The following IPO7 variants were observed in gnomAD, a reference collection of about 807,000 sequenced individuals.
IPO7 encodes importin-7.
A neutral mutation model predicts 136.4 loss-of-function variants in IPO7; 13 were observed. That is an observed-to-expected ratio of 0.10 (90% CI 0.06 to 0.15). The LOEUF (loss-of-function observed/expected upper bound fraction) is 0.15, where lower values mean the gene tolerates loss of function less well. Ranked by LOEUF, IPO7 falls within the 10% of genes least tolerant of loss-of-function variation. The pLI is 1.00. For synonymous variants in IPO7, 403 were observed against 404.4 expected (o/e 1.00, Z 0.04); for missense variants, 857 against 1,240.6 (o/e 0.69, Z 4.65).
intron 6 of IPO7, among the ~76,000 whole-genome samples, chr11:9,419,930 T>C (rs1855103396): frequency 6.6e-6 from 1 of 152,188 alleles, no homozygotes; most frequent in Admixed American, 6.5e-5. Context: ...AGAATTATTT[T>C]AAAAAGCATG....
At chr11:9,432,989 GTTTTTTT>G (rs397953468) in intron 16 of IPO7, 6 of 123,226 alleles carry the variant, frequency 4.9e-5, no homozygotes, top group African/African-American at 1.7e-4. Flanking sequence ...CTTCCAAATG[GTTTTTTT>G]TTTTTTTTTG....
chr11:9,425,939 A>C (rs1590444987), intron 12 of IPO7, among the ~76,000 whole-genome samples: 1 of 151,700 alleles, frequency 6.6e-6, no homozygotes, highest in Non-Finnish European at 1.5e-5. Context: ...CCAGCTACTT[A>C]GGAGGCTGAG....
At chr11:9,387,569 C>T (rs1445107893) in intron 1 of IPO7, among the ~76,000 whole-genome samples, 2 of 152,206 alleles carry the variant, frequency 1.3e-5, no homozygotes, top group African/African-American at 2.4e-5. Context: ...CGGTGGCTCA[C>T]GCCTGTAATC....
At chr11:9,422,814 C>T (rs572921288) in intron 8 of IPO7, among the ~76,000 whole-genome samples, 192 bp from the exon 9 acceptor site, 3 of 152,176 alleles carry the variant, frequency 2.0e-5, no homozygotes, top group East Asian at 3.9e-4. Flanking sequence ...CCCAGAAAAA[C>T]GAAGATAGTA....
intron 2 of IPO7, among the ~76,000 whole-genome samples, chr11:9,407,616 T>A (rs1408377401): frequency 6.6e-6 from 1 of 152,216 alleles, no homozygotes; most frequent in African/African-American, 2.4e-5. Context: ...ATTACTATAA[T>A]ATGGAATATT....
Position 9,438,245 on chromosome 11 carries a change from C to T in IPO7, c.2655C>T (p.Asp885=), listed in dbSNP as rs749164118. 3 of 1,601,884 alleles carry T rather than the reference C, an allele frequency of 1.9e-6. No individual in the cohort carries two copies. Among genetic ancestry groups the T allele is most frequent in the Non-Finnish European group, 1.7e-6 (2 of 1,170,082 alleles). Residue 885 remains aspartate, a synonymous_variant, in exon 22 of 25, where the codon GAC becomes GAT. Coordinates refer to ENST00000379719, the MANE Select transcript of IPO7 (RefSeq NM_006391.3). ...AYACHAEHEN[D]SDDDDEAEDD... ...CCTGCCATGCAGAACATGAGAATGA[C>T]AGTGATGATGATGATGAAGCTGAAG...
intron 1 of IPO7, among the ~76,000 whole-genome samples, chr11:9,396,841 T>C (rs1415722513): frequency 6.6e-6 from 1 of 152,190 alleles, no homozygotes; most frequent in Non-Finnish European, 1.5e-5. Context: ...ATACAGGTTG[T>C]TTCCACTTTT....
chr11:9,420,569 A>C (rs1280986561), intron 7 of IPO7, 45 bp from the exon 8 acceptor site: 3 of 1,551,672 alleles, frequency 1.9e-6, no homozygotes, highest in Non-Finnish European at 2.7e-6. Context: ...AAGTGCTAGC[A>C]TAAAGCATTA....
intron 12 of IPO7, among the ~76,000 whole-genome samples, 165 bp from the exon 13 acceptor site, chr11:9,428,375 G>A (rs919329600): frequency 1.3e-5 from 2 of 152,138 alleles, no homozygotes; most frequent in African/African-American, 4.8e-5. Context: ...GGTTTTTGGT[G>A]GTGAAGTTCT....
chr11:9,404,767 C>T (rs1477807645), intron 2 of IPO7, among the ~76,000 whole-genome samples: 3 of 151,854 alleles, frequency 2.0e-5, no homozygotes, highest in Non-Finnish European at 4.4e-5. Flanking sequence ...GGGGTTTCAC[C>T]GTATTTGCCA....
intron 23 of IPO7, among the ~76,000 whole-genome samples, chr11:9,441,498 T>C (rs1855459141): frequency 6.6e-6 from 1 of 152,210 alleles, no homozygotes; most frequent in Non-Finnish European, 1.5e-5. Context: ...ATAGAATACA[T>C]TATCTGATAA....
rs1476343433 is a variant in IPO7 at position 9,438,711 on chromosome 11, A to T, written c.2695+426A>T. Among the ~76,000 whole-genome samples the T allele has an allele frequency of 2.6e-5, 4 of 152,340 alleles. 1 individual carries two copies. The highest frequency in any genetic ancestry group is 9.6e-5 in the African/African-American group (4 of 41,572). On this transcript the variant is annotated intron_variant, in intron 22 of 24. Coordinates refer to ENST00000379719, the MANE Select transcript of IPO7 (RefSeq NM_006391.3). Reference sequence around the variant, plus strand: ...ACCCAAATGCTTTCATTCACAGAAAAGACTTCCTTTCTTCTCACTAGAGTG... The same window carrying T: ...ACCCAAATGCTTTCATTCACAGAAATGACTTCCTTTCTTCTCACTAGAGTG...
At chr11:9,413,454 GT>G (rs1217122471) in intron 4 of IPO7, among the ~76,000 whole-genome samples, 4 of 151,922 alleles carry the variant, frequency 2.6e-5, no homozygotes, top group Non-Finnish European at 4.4e-5. Context: ...AGCTGCTACT[GT>G]TTACGCAAAT....
chr11:9,420,261 G>C (rs956616381), intron 6 of IPO7, 150 bp from the exon 7 acceptor site: 16 of 563,446 alleles, frequency 2.8e-5, no homozygotes, highest in Non-Finnish European at 4.7e-5. Context: ...AGCTTGCAGT[G>C]AGCTGAGATG....
chr11:9,408,040 C>CT (rs890764800), intron 2 of IPO7, among the ~76,000 whole-genome samples: 1 of 151,992 alleles, frequency 6.6e-6, no homozygotes, highest in African/African-American at 2.4e-5. Flanking sequence ...GATTAAGAAC[C>CT]TTTATATGCT....
chr11:9,426,697 A>G (rs563660058), intron 12 of IPO7, among the ~76,000 whole-genome samples: 20 of 152,098 alleles, frequency 1.3e-4, no homozygotes, highest in Admixed American at 6.5e-5. Flanking sequence ...CCGTTTGTAT[A>G]TTTTCTTTAG....
At chr11:9,416,072 G>T (rs1273394863) in intron 5 of IPO7, among the ~76,000 whole-genome samples, 1 of 152,126 alleles carries the variant, frequency 6.6e-6, no homozygotes, top group African/African-American at 2.4e-5. Context: ...GCACCTGTAA[G>T]CCTGTAATCC....
chr11:9,444,970 A>G (rs1203889589), intron 24 of IPO7, 127 bp from the exon 25 acceptor site: 2 of 647,538 alleles, frequency 3.1e-6, no homozygotes, highest in Non-Finnish European at 5.6e-6. Flanking sequence ...CATTGGAGAA[A>G]TCATGGATTT....
intron 4 of IPO7, among the ~76,000 whole-genome samples, chr11:9,413,918 T>C (rs1468498847): frequency 6.7e-6 from 1 of 149,614 alleles, no homozygotes; most frequent in Non-Finnish European, 1.5e-5. Flanking sequence ...AGGGCAGACC[T>C]TGGATTCCAG....
Sources: allele counts gnomAD v4.1 joint callset (sites outside exome capture counted in the v4.1 genomes callset), GRCh38; gene constraint gnomAD v4.1.1; transcripts MANE v1.5; gene names NCBI Gene and HGNC (gene_info 2026-07-23, HGNC 2026-07-21).